The following RECK variants were observed in gnomAD, a reference collection of about 807,000 sequenced individuals.
The protein encoded by RECK is reversion inducing cysteine rich protein with kazal motifs, also known as reversion-inducing cysteine-rich protein with Kazal motifs.
In RECK, 69 loss-of-function variants were observed where a neutral mutation model predicts 115.1. The observed-to-expected ratio is 0.60, with a 90% CI of 0.49 to 0.73. The LOEUF (loss-of-function observed/expected upper bound fraction) is 0.73, where lower values mean the gene tolerates loss of function less well. Among genes scored for constraint, RECK ranks in the 30% least tolerant of loss-of-function variants. The probability of loss-of-function intolerance (pLI) is 0.00; values close to 1 mark genes in which losing one functional copy is unlikely to be tolerated. For missense variants in RECK, 1,047 were observed against 1,203.7 expected, an observed-to-expected ratio of 0.87 and a Z score of 1.93; for synonymous variants, 414 against 419.7, an observed-to-expected ratio of 0.99 and a Z score of 0.17.
At chr9:36,063,740 C>G (rs1821876173) in intron 4 of RECK, 55 bp from the exon 5 acceptor site, 3 of 1,497,482 alleles carry the variant, frequency 2.0e-6, no homozygotes, top group Admixed American at 3.4e-5. Flanking sequence ...ATCTGGCATG[C>G]TATCTCTTTT....
chr9:36,060,973 T>C (rs1280189928), intron 4 of RECK, among the ~76,000 whole-genome samples: 2 of 152,336 alleles, frequency 1.3e-5, no homozygotes, highest in East Asian at 3.9e-4. Context: ...TCTAGTTCCA[T>C]TGACTCTCCC....
In RECK at chr9:36,123,320, G is replaced by C; in HGVS notation, c.*275G>C. 3.0e-6 allele frequency: 1 copy of C among 337,026 alleles called. No individual in the cohort carries two copies. Among genetic ancestry groups the C allele is most frequent in the Non-Finnish European group, 5.4e-6 (1 of 185,446 alleles). 20.9% of individuals were successfully genotyped at this position (337,026 alleles called of 1,614,324 possible). On this transcript the variant is annotated 3_prime_UTR_variant, in exon 21 of 21. Coordinates refer to ENST00000377966, the MANE Select transcript of RECK (RefSeq NM_021111.3). ...ATGATTTACATTTCCTCACCATAAG[G>C]GTCCCCCACTCTAAAGCAAATTTAT...
chr9:36,063,347 T>C (rs1200335322), intron 4 of RECK, among the ~76,000 whole-genome samples: 1 of 152,194 alleles, frequency 6.6e-6, no homozygotes, highest in Admixed American at 6.5e-5. Context: ...ATCATGAATT[T>C]TATGCTATTC....
At chr9:36,057,455 T>C (rs1821575046) in intron 2 of RECK, among the ~76,000 whole-genome samples, 1 of 152,224 alleles carries the variant, frequency 6.6e-6, no homozygotes. Flanking sequence ...CTTGCTTATT[T>C]GCGAAACTAA....
In RECK at chr9:36,108,144, T is replaced by G; in HGVS notation, c.1745T>G (p.Ile582Ser). The change falls in exon 14 of 21, where the codon ATT (isoleucine) becomes AGT (serine). Residue 582 changes from isoleucine to serine, a missense_variant. Physicochemically the swap from Ile to Ser is moderately radical, Grantham distance 142. Coordinates refer to ENST00000377966, the MANE Select transcript of RECK (RefSeq NM_021111.3). ...MHCIDLQKSC[I>S]VGGKRKSHGT... ...TGTATAGACCTCCAGAAGTCTTGTA[T>G]TGTTGGAGGAAAAAGAAAAAGTGAG... is the stretch of plus-strand genomic sequence containing the variant. 2 of 1,587,838 alleles carry G rather than the reference T, an allele frequency of 1.3e-6. No individual in the cohort carries two copies. Among genetic ancestry groups the G allele is most frequent in the Non-Finnish European group, 1.7e-6 (2 of 1,172,638 alleles).
chr9:36,120,373 G>A (rs1175391994), intron 18 of RECK, among the ~76,000 whole-genome samples: 1 of 152,174 alleles, frequency 6.6e-6, no homozygotes, highest in African/African-American at 2.4e-5. Flanking sequence ...GGCAGAGCAG[G>A]ATCAGGCCCC....
chr9:36,101,951 C>A, intron 11 of RECK, 143 bp from the exon 12 acceptor site: 2 of 735,980 alleles, frequency 2.7e-6, no homozygotes, highest in Non-Finnish European at 4.3e-6. Context: ...TCAACCTGAG[C>A]TCTCCTGTGA....
chr9:36,122,041 G>A (rs553169673), intron 20 of RECK, among the ~76,000 whole-genome samples: 2 of 152,310 alleles, frequency 1.3e-5, no homozygotes, highest in African/African-American at 4.8e-5. Flanking sequence ...GCCGGGGAAG[G>A]AACTGGTGCA....
chr9:36,074,527 T>C (rs1320172640), intron 6 of RECK, among the ~76,000 whole-genome samples: 1 of 152,056 alleles, frequency 6.6e-6, no homozygotes, highest in Non-Finnish European at 1.5e-5. Flanking sequence ...CCTAGGGAAA[T>C]GGGGAAGTCT....
At chr9:36,043,169 C>T (rs1490120383) in intron 1 of RECK, among the ~76,000 whole-genome samples, 2 of 145,024 alleles carry the variant, frequency 1.4e-5, no homozygotes, top group Admixed American at 6.9e-5. Context: ...GGACTACAGG[C>T]GCCTGCCACC....
rs575285916 is a variant in RECK at position 36,080,345 on chromosome 9, T to C, written c.406-260T>C. Among the ~76,000 whole-genome samples the C allele has an allele frequency of 2.0e-5, 3 of 152,356 alleles. No homozygotes were observed. In the South Asian group the frequency reaches 6.2e-4, roughly 32 times the overall value. Reference sequence around the variant, plus strand: ...TACATTGTAGCCCCTCCCACACACTTACAGCTTTACATAAACTTGGTTTGC... The same window carrying C: ...TACATTGTAGCCCCTCCCACACACTCACAGCTTTACATAAACTTGGTTTGC... On this transcript the variant is annotated intron_variant, in intron 6 of 20. Coordinates refer to ENST00000377966, the MANE Select transcript of RECK (RefSeq NM_021111.3).
intron 1 of RECK, among the ~76,000 whole-genome samples, chr9:36,044,048 T>C (rs1820984250): frequency 6.6e-6 from 1 of 152,172 alleles, no homozygotes; most frequent in South Asian, 2.1e-4. Context: ...AATTTGTCTA[T>C]TGCTTTTGGC....
chr9:36,117,173 GC>G lies in RECK; in HGVS notation c.2251del (p.Gln751SerfsTer82). 1 of 1,608,282 alleles carries G rather than the reference GC, an allele frequency of 6.2e-7. No individual in the cohort carries two copies. The highest frequency in any genetic ancestry group is 2.2e-5 in the East Asian group (1 of 44,800). On this transcript the variant is annotated frameshift_variant, in exon 17 of 21. Transcript: ENST00000377966. LOFTEE classifies it high-confidence loss of function. ...RGKSLSYKGP[C>X]QPFCRATEPV... ...AAAAGCCTCTCTTACAAAGGTCCCT[GC>G]CAGGTACAGTGCTTTGGCTGACAAA...
intron 1 of RECK, among the ~76,000 whole-genome samples, chr9:36,048,509 G>C (rs992302433): frequency 6.6e-6 from 1 of 151,948 alleles, no homozygotes; most frequent in African/African-American, 2.4e-5. Context: ...GCTGTTTCAG[G>C]CCTCTATAAT....
intron 16 of RECK, among the ~76,000 whole-genome samples, 163 bp from the exon 17 acceptor site, chr9:36,116,822 T>C (rs1824284961): frequency 6.6e-6 from 1 of 152,224 alleles, no homozygotes; most frequent in Non-Finnish European, 1.5e-5. Context: ...CTACTGTATA[T>C]ACAGGCTTGA....
At chr9:36,089,965 AATACAC>A in intron 9 of RECK, among the ~76,000 whole-genome samples, 1 of 94,140 alleles carries the variant, frequency 1.1e-5, no homozygotes, top group South Asian at 4.2e-4. Flanking sequence ...CTCTACTAAA[AATACAC>A]ACACACACAC....
rs116360092 is a variant in RECK, at chr9:36,097,397, A to G, written c.1086-2934A>G. 5.5e-3 allele frequency among the ~76,000 whole-genome samples: 844 copies of G among 152,258 alleles called. 7 individuals carry two copies. The highest frequency in any genetic ancestry group is 0.02 in the African/African-American group (817 of 41,556). ...AGACCCTTTACCGAAGAAGGACATC[A>G]CAATGGCCATTTAATCAAGTATATG... On this transcript the variant is annotated intron_variant, in intron 10 of 20. Coordinates refer to ENST00000377966, the MANE Select transcript of RECK (RefSeq NM_021111.3).
In RECK at chr9:36,118,703, G is replaced by T. The variant is rs1208265602; in HGVS notation, c.2254-54G>T. On this transcript the variant is annotated intron_variant, in intron 17 of 20. Coordinates refer to ENST00000377966, the MANE Select transcript of RECK (RefSeq NM_021111.3). ...GGAGGCATGCTGTGTACTCTTGGTT[G>T]GGAAAGGTACAACATAGACATTTCC... The T allele has an allele frequency of 3.3e-6, 5 of 1,536,294 alleles. No homozygotes were observed. In the East Asian group the frequency reaches 1.1e-4, roughly 35 times the overall value.
chr9:36,105,949 C>T (rs1045522001), intron 13 of RECK, among the ~76,000 whole-genome samples: 1 of 152,134 alleles, frequency 6.6e-6, no homozygotes, highest in African/African-American at 2.4e-5. Context: ...CGCAGTGGCT[C>T]ACGCCTGTAA....
Sources: allele counts gnomAD v4.1 joint callset (sites outside exome capture counted in the v4.1 genomes callset), GRCh38; gene constraint gnomAD v4.1.1; transcripts MANE v1.5; gene names NCBI Gene and HGNC (gene_info 2026-07-23, HGNC 2026-07-21).